The following GLP2R variants were observed in gnomAD, a reference collection of about 807,000 sequenced individuals.
GLP2R encodes glucagon-like peptide 2 receptor.
In GLP2R, 59 loss-of-function variants were observed where a neutral mutation model predicts 68.2. That is an observed-to-expected ratio of 0.87 (90% confidence interval 0.70 to 1.07). The LOEUF is 1.07. Among genes scored for constraint, GLP2R ranks in the 50% least tolerant of loss-of-function variants. The pLI, the probability that GLP2R is intolerant of heterozygous loss-of-function variation, is 0.00. For synonymous variants in GLP2R, 270 were observed against 265.4 expected (o/e 1.02, Z -0.17); for missense variants, 548 against 677.4 (o/e 0.81, Z 2.12).
intron 3 of GLP2R, among the ~76,000 whole-genome samples, chr17:9,842,246 A>G (rs970052024): frequency 6.6e-6 from 1 of 152,204 alleles, no homozygotes; most frequent in African/African-American, 2.4e-5. Context: ...TCACTGAGTC[A>G]CCAGAGGCTG....
In GLP2R at chr17:9,837,384, T is replaced by C. The variant is rs189623901; in HGVS notation, c.382+909T>C. Among the ~76,000 whole-genome samples the C allele has an allele frequency of 4.4e-3, 673 of 152,166 alleles. 6 individuals carry two copies. The highest frequency in any genetic ancestry group is 0.015 in the African/African-American group (619 of 41,504). On this transcript the variant is annotated intron_variant, in intron 3 of 12. Coordinates refer to ENST00000262441, the MANE Select transcript of GLP2R (RefSeq NM_004246.3). ...CTCTCGTACTTTGAAGCTTCTAGAG[T>C]ACAGATCCAGCAGCCACTAAATTTG... is the stretch of plus-strand genomic sequence containing the variant.
At chr17:9,832,004 G>T (rs753394678) in intron 1 of GLP2R, among the ~76,000 whole-genome samples, 1 of 152,178 alleles carries the variant, frequency 6.6e-6, no homozygotes, top group Non-Finnish European at 1.5e-5. Flanking sequence ...TATAGCTGCC[G>T]TCTCTAGAAC....
intron 1 of GLP2R, among the ~76,000 whole-genome samples, 186 bp downstream of exon 1, chr17:9,826,438 T>G (rs1187933401): frequency 6.6e-6 from 1 of 152,154 alleles, no homozygotes; most frequent in Non-Finnish European, 1.5e-5. Flanking sequence ...TCCTCAAACC[T>G]TTTCTCTATG....
At chr17:9,861,679 G>A (rs990400967) in intron 8 of GLP2R, among the ~76,000 whole-genome samples, 15 of 151,014 alleles carry the variant, frequency 9.9e-5, no homozygotes, top group African/African-American at 3.1e-4. Flanking sequence ...TTGCTGAAAC[G>A]TATATTGTGT....
chr17:9,850,347 C>A (rs79865959), intron 4 of GLP2R, among the ~76,000 whole-genome samples: 2 of 152,180 alleles, frequency 1.3e-5, no homozygotes, highest in African/African-American at 4.8e-5. Flanking sequence ...GCGCCCTGCC[C>A]GTATCCCTTT....
chr17:9,880,887 C>G (rs2067189093), intron 11 of GLP2R, among the ~76,000 whole-genome samples: 1 of 152,136 alleles, frequency 6.6e-6, no homozygotes, highest in African/African-American at 2.4e-5. Flanking sequence ...GACATGTACA[C>G]AGAATGCAAC....
At chr17:9,884,396 C>T (rs776578180) in intron 11 of GLP2R, among the ~76,000 whole-genome samples, 31 of 152,140 alleles carry the variant, frequency 2.0e-4, no homozygotes, top group Non-Finnish European at 3.1e-4. Context: ...CTTTCACATG[C>T]TAACATGTAT....
chr17:9,876,639 C>G (rs895151567), intron 10 of GLP2R, among the ~76,000 whole-genome samples: 1 of 152,128 alleles, frequency 6.6e-6, no homozygotes, highest in Non-Finnish European at 1.5e-5. Context: ...GTTTCATGAC[C>G]TGTTTCAGGG....
intron 10 of GLP2R, among the ~76,000 whole-genome samples, chr17:9,873,138 C>T (rs1197599967): frequency 6.6e-6 from 1 of 152,170 alleles, no homozygotes; most frequent in African/African-American, 2.4e-5. Context: ...CTCTAGTCCA[C>T]CCTGCTGGGT....
chr17:9,888,846 AG>A (rs1383538050), intron 12 of GLP2R, among the ~76,000 whole-genome samples: 1 of 152,140 alleles, frequency 6.6e-6, no homozygotes, highest in African/African-American at 2.4e-5. Context: ...TGACAGTGGG[AG>A]GGGCAGAGGC....
intron 11 of GLP2R, among the ~76,000 whole-genome samples, chr17:9,880,829 G>T (rs572027003): frequency 6.6e-6 from 1 of 152,112 alleles, no homozygotes; most frequent in Non-Finnish European, 1.5e-5. Flanking sequence ...TTTTTGCTGG[G>T]TTCTCTGCAG....
At chr17:9,826,526 A>G (rs541268928) in intron 1 of GLP2R, among the ~76,000 whole-genome samples, 1 of 152,184 alleles carries the variant, frequency 6.6e-6, no homozygotes, top group Admixed American at 6.5e-5. Flanking sequence ...CCAGCCCCGC[A>G]TCATATTATA....
Position 9,889,586 on chromosome 17 carries a change from G to A in GLP2R, c.1543G>A (p.Ala515Thr), listed in dbSNP as rs112077837. 1.3e-3 allele frequency: 2,060 copies of A among 1,614,056 alleles called. 17 individuals carry two copies. The African/African-American group carries it at 0.022, about 17-fold the overall frequency. Reference protein sequence around the residue: ...LAMRGLGELGAQPQQDHARWP... With the variant: ...LAMRGLGELGTQPQQDHARWP... ...CATGCGAGGTCTTGGGGAGCTGGGC[G>A]CCCAGCCCCAACAGGACCATGCACG... Residue 515 changes from alanine (A) to threonine (T), a missense_variant, in exon 13 of 13, where the codon GCC becomes ACC. Coordinates refer to ENST00000262441, the MANE Select transcript of GLP2R (RefSeq NM_004246.3).
chr17:9,837,212 ATTCT>A (rs1439063065), intron 3 of GLP2R, among the ~76,000 whole-genome samples: 6 of 152,010 alleles, frequency 3.9e-5, no homozygotes, highest in Non-Finnish European at 5.9e-5. Flanking sequence ...GCTCTTATTC[ATTCT>A]TTCTATTTTT....
intron 4 of GLP2R, among the ~76,000 whole-genome samples, chr17:9,843,432 T>C (rs1014824428): frequency 6.6e-6 from 1 of 152,220 alleles, no homozygotes; most frequent in Non-Finnish European, 1.5e-5. Flanking sequence ...GTTGTGAGGA[T>C]TTAGTCATCA....
Position 9,826,198 on chromosome 17 carries a change from C to G in GLP2R, c.135C>G (p.Leu45=). The G allele has an allele frequency of 6.2e-7, 1 of 1,613,288 alleles. No homozygotes were observed. Among genetic ancestry groups the G allele is most frequent in the Non-Finnish European group, 8.5e-7 (1 of 1,179,756 alleles). ...TCTCCTTCCACAGGAAGTGCTCTCT[C>G]TGGGCCCCTGGGAGGCCCTTCCTCA... ...SPLSFHRKCS[L]WAPGRPFLTL... Residue 45 remains leucine, a synonymous_variant, in exon 1 of 13, where the codon CTC becomes CTG. Transcript: ENST00000262441.
In GLP2R at chr17:9,836,441, A is replaced by T. The variant is rs775029044; in HGVS notation, c.348A>T (p.Val116=). 6.2e-7 allele frequency: 1 copy of T among 1,610,656 alleles called. No homozygotes were observed. Among genetic ancestry groups the T allele is most frequent in the South Asian group, 1.1e-5 (1 of 91,028 alleles). ...WPHSSPGNVS[V]PCPSYLPWWS... ...ATTCTTCTCCTGGAAATGTCTCTGT[A>T]CCCTGCCCTTCATACTTACCTTGGT... Residue 116 remains valine, a synonymous_variant, in exon 3 of 13, where the codon GTA becomes GTT. Coordinates refer to ENST00000262441, the MANE Select transcript of GLP2R (RefSeq NM_004246.3).
chr17:9,861,154 T>C lies in GLP2R; in HGVS notation c.941T>C (p.Phe314Ser). The C allele has an allele frequency of 6.2e-7, 1 of 1,613,792 alleles. No individual in the cohort carries two copies. Among genetic ancestry groups the C allele is most frequent in the Non-Finnish European group, 8.5e-7 (1 of 1,179,756 alleles). The change falls in exon 8 of 13, where the codon TTT becomes TCT. Residue 314 changes from phenylalanine to serine, a missense_variant. Transcript: ENST00000262441. ...TTCTCCCCAGCCTTCCCTGTGCTATTTGTTGTACCCTGGGGTTTCGCCCGT... is the reference window on the plus strand; with the variant it reads ...TTCTCCCCAGCCTTCCCTGTGCTATCTGTTGTACCCTGGGGTTTCGCCCGT... ...LLLGWAFPVL[F>S]VVPWGFARAH...
At chr17:9,862,849 G>A (rs777212868) in intron 9 of GLP2R, among the ~76,000 whole-genome samples, 6 of 152,148 alleles carry the variant, frequency 3.9e-5, no homozygotes, top group Non-Finnish European at 5.9e-5. Context: ...TGTTCCCCAA[G>A]GGGTTGCTGG....
Sources: allele counts gnomAD v4.1 joint callset (sites outside exome capture counted in the v4.1 genomes callset), GRCh38; gene constraint gnomAD v4.1.1; transcripts MANE v1.5; gene names NCBI Gene and HGNC (gene_info 2026-07-23, HGNC 2026-07-21).